Variants in SH3RF2 observed in about 807,000 individuals in gnomAD.
The protein encoded by SH3RF2 is E3 ubiquitin-protein ligase SH3RF2.
In SH3RF2, 43 loss-of-function variants were observed where a neutral mutation model predicts 59.0. The ratio of observed to expected loss-of-function variants is 0.73; its 90% CI spans 0.57 to 0.94. SH3RF2 has a LOEUF of 0.94. Among genes scored for constraint, SH3RF2 ranks in the 40% least tolerant of loss-of-function variants. The pLI is 0.00. For synonymous variants in SH3RF2, 391 were observed against 391.5 expected, an observed-to-expected ratio of 1.00 and a Z score of 0.01; for missense variants, 930 against 940.1, an observed-to-expected ratio of 0.99 and a Z score of 0.14.
Position 146,004,120 on chromosome 5 carries a change from TA to T in SH3RF2, c.714del (p.Val239Ter). 3 of 1,613,078 alleles carry T rather than the reference TA, an allele frequency of 1.9e-6. No homozygotes were observed. Among genetic ancestry groups the T allele is most frequent in the Non-Finnish European group, 2.5e-6 (3 of 1,179,190 alleles). ...ACTGGGCAGAAGGCAAGTTAGGAGA[TA>T]AAGTAGGCATCTTCCCTATCTTGTT... ...ENWAEGKLGD[K>X]VGIFPILFVE... On this transcript the variant is annotated frameshift_variant, in exon 4 of 10. Transcript: ENST00000359120. LOFTEE classifies it high-confidence loss of function.
At position 146,062,684 on chromosome 5, in the gene SH3RF2, G is replaced by A. The variant is rs575159533; in HGVS notation, c.2173G>A (p.Val725Met). The stretch of plus-strand genomic sequence containing the variant: ...GTCCACTGCCTCAGGCACGCAGACC[G>A]TGTTTCCCAGCAAATGAACCTACGG... The part of the protein sequence containing the change: ...LVSTASGTQT[V>M]FPSK Residue 725 changes from valine to methionine, a missense_variant, in exon 10 of 10, where the codon GTG becomes ATG. Transcript: ENST00000359120. 421 of 1,613,008 alleles carry A rather than the reference G, an allele frequency of 2.6e-4. 5 individuals are homozygous for A. Among genetic ancestry groups the A allele is most frequent in the South Asian group, 2.3e-3 (213 of 91,024 alleles).
chr5:145,977,287 T>C (rs1759331862), intron 2 of SH3RF2, among the ~76,000 whole-genome samples: 1 of 152,242 alleles, frequency 6.6e-6, no homozygotes, highest in Non-Finnish European at 1.5e-5. Context: ...TTACTATTTT[T>C]CCACAGACCA....
chr5:145,953,343 C>G (rs541532216), intron 2 of SH3RF2, among the ~76,000 whole-genome samples: 76 of 152,074 alleles, frequency 5.0e-4, no homozygotes, highest in Non-Finnish European at 1.0e-4. Flanking sequence ...GGGAGAACAT[C>G]CTGACCCTGT....
chr5:146,026,740 T>A (rs922509250), intron 5 of SH3RF2, among the ~76,000 whole-genome samples: 2 of 152,152 alleles, frequency 1.3e-5, no homozygotes, highest in African/African-American at 2.4e-5. Context: ...GTCAGCTAGA[T>A]CTAGGACGGA....
intron 2 of SH3RF2, among the ~76,000 whole-genome samples, chr5:145,954,396 T>C (rs1052468707): frequency 4.6e-5 from 7 of 152,220 alleles, no homozygotes; most frequent in African/African-American, 1.7e-4. Flanking sequence ...CACTTTTTAA[T>C]AGGGTTGTTT....
At chr5:145,988,297 A>G (rs993302934) in intron 2 of SH3RF2, among the ~76,000 whole-genome samples, 1 of 150,968 alleles carries the variant, frequency 6.6e-6, no homozygotes, top group Non-Finnish European at 1.5e-5. Context: ...CATAAGTCAC[A>G]TTGTTAGCTT....
rs1442460684 is a variant in SH3RF2, at chr5:145,962,929, G to T, written c.378+24623G>T. 2.5e-5 allele frequency among the ~76,000 whole-genome samples: 3 copies of T among 120,828 alleles called. No homozygotes were observed. In the Admixed American group the frequency reaches 3.4e-4, roughly 14 times the overall value. The allele number at this position is 120,828 out of a possible 152,430, so 79.3% of individuals were successfully genotyped here. On this transcript the variant is annotated intron_variant, in intron 2 of 9. Coordinates refer to ENST00000359120, the MANE Select transcript of SH3RF2 (RefSeq NM_152550.4). ...TTTTTTTTTTTAGAGACGGAGTCTC[G>T]CTCTGTCGCCCAGGCTGGAGTGCAG...
At chr5:146,056,909 C>G (rs1762691266) in intron 8 of SH3RF2, among the ~76,000 whole-genome samples, 2 of 152,332 alleles carry the variant, frequency 1.3e-5, no homozygotes, top group Middle Eastern at 6.8e-3. Flanking sequence ...TTCTTGAGAA[C>G]TATGCTTTTG....
intron 9 of SH3RF2, among the ~76,000 whole-genome samples, 183 bp from the exon 10 acceptor site, chr5:146,062,243 A>G (rs1255557810): frequency 6.6e-6 from 1 of 152,190 alleles, no homozygotes; most frequent in African/African-American, 2.4e-5. Flanking sequence ...TTCCAGCTGA[A>G]GTTAGATGCT....
chr5:146,039,040 C>A (rs1408589563), intron 5 of SH3RF2, among the ~76,000 whole-genome samples: 2 of 152,182 alleles, frequency 1.3e-5, no homozygotes, highest in Non-Finnish European at 2.9e-5. Context: ...TATGACAGAG[C>A]AGACTTTGCA....
downstream of SH3RF2, among the ~76,000 whole-genome samples, chr5:146,064,751 G>A (rs1183532140): frequency 0.016 from 102 of 6,568 alleles, 7 homozygotes; most frequent in Admixed American, 0.025. Flanking sequence ...AGGAAGGAAG[G>A]AAGGAAGGAA....
chr5:146,078,874 G>A (rs1330523971), exon 10 of SH3RF2: 1 of 152,214 alleles, frequency 6.6e-6, no homozygotes, highest in Non-Finnish European at 1.5e-5. Flanking sequence ...TGTCTCTCCA[G>A]ATCAGATTTA....
chr5:146,018,342 T>C (rs146213718), intron 5 of SH3RF2, among the ~76,000 whole-genome samples: 3,761 of 152,284 alleles, frequency 0.025, 167 homozygotes, highest in African/African-American at 0.087. Flanking sequence ...AGTGAGAACA[T>C]GCAATATTGG....
chr5:146,053,798 G>A (rs1480230997), intron 7 of SH3RF2, among the ~76,000 whole-genome samples: 1 of 152,174 alleles, frequency 6.6e-6, no homozygotes, highest in Non-Finnish European at 1.5e-5. Flanking sequence ...GGAGAAAAGT[G>A]ACAAATGGGC....
chr5:146,021,323 T>C (rs998054931), intron 5 of SH3RF2, among the ~76,000 whole-genome samples: 7 of 152,202 alleles, frequency 4.6e-5, no homozygotes, highest in African/African-American at 1.7e-4. Context: ...TCTATGTTTA[T>C]AGTCTTATGA....
At chr5:145,971,158 G>A (rs1162156978) in intron 2 of SH3RF2, among the ~76,000 whole-genome samples, 2 of 152,214 alleles carry the variant, frequency 1.3e-5, no homozygotes, top group African/African-American at 4.8e-5. Context: ...CTGCATGGCT[G>A]CCTCTGAACT....
chr5:145,965,132 G>A (rs564955212), intron 2 of SH3RF2, among the ~76,000 whole-genome samples: 2 of 152,074 alleles, frequency 1.3e-5, no homozygotes, highest in East Asian at 3.9e-4. Context: ...GGCAGAGGTT[G>A]CAATGAGCTG....
chr5:146,012,753 G>A (rs768345217), intron 4 of SH3RF2, among the ~76,000 whole-genome samples: 5 of 152,260 alleles, frequency 3.3e-5, no homozygotes, highest in Middle Eastern at 3.4e-3. Context: ...CACAGGGGCT[G>A]TCAGTGAGTA....
At chr5:146,017,824 C>G (rs566969530) in intron 5 of SH3RF2, among the ~76,000 whole-genome samples, 1 of 152,212 alleles carries the variant, frequency 6.6e-6, no homozygotes, top group South Asian at 2.1e-4. Flanking sequence ...CGCCTCACCC[C>G]GCCCAATCCC....
Sources: gnomAD v4.1 joint callset for allele counts (sites outside exome capture counted in the v4.1 genomes callset) on GRCh38, gnomAD v4.1.1 for gene constraint, MANE v1.5 for transcripts, NCBI Gene and HGNC (gene_info 2026-07-23, HGNC 2026-07-21) for gene names.